LRRN2: variants seen among roughly 807,000 people sequenced by gnomAD.
The protein encoded by LRRN2 is leucine-rich repeat neuronal protein 2.
In LRRN2, 10 loss-of-function variants were observed where a neutral mutation model predicts 35.7. That is an observed-to-expected ratio of 0.28 (90% CI 0.17 to 0.47). LRRN2 has a LOEUF of 0.47. Among genes scored for constraint, LRRN2 ranks in the 20% least tolerant of loss-of-function variants. The pLI, the probability that LRRN2 is intolerant of heterozygous loss-of-function variation, is 0.99. For missense variants in LRRN2, 731 were observed against 940.3 expected, an observed-to-expected ratio of 0.78 and a Z score of 2.91; for synonymous variants, 391 against 409.6, an observed-to-expected ratio of 0.95 and a Z score of 0.55.
At chr1:204,672,689 C>G (rs977620003) in intron 1 of LRRN2, among the ~76,000 whole-genome samples, 1 of 152,178 alleles carries the variant, frequency 6.6e-6, no homozygotes, top group African/African-American at 2.4e-5. Flanking sequence ...CCCTCTTGCT[C>G]TCCTTCCCTC....
intron 1 of LRRN2, among the ~76,000 whole-genome samples, chr1:204,622,714 A>G (rs1667001010): frequency 6.6e-6 from 1 of 152,086 alleles, no homozygotes; most frequent in South Asian, 2.1e-4. Context: ...AACTGGATCT[A>G]TGGCCAGTAA....
chr1:204,669,122 ACTGTAAATAG>A (rs1478847012), intron 1 of LRRN2, among the ~76,000 whole-genome samples: 1 of 152,200 alleles, frequency 6.6e-6, no homozygotes, highest in African/African-American at 2.4e-5. Flanking sequence ...ACTGCGCCTG[ACTGTAAATAG>A]CTTTTCACAC....
intron 1 of LRRN2, among the ~76,000 whole-genome samples, chr1:204,662,281 A>T (rs1668488207): frequency 6.6e-6 from 1 of 152,080 alleles, no homozygotes; most frequent in Admixed American, 6.5e-5. Context: ...GGCCTGGGAG[A>T]GCTAGGATAT....
At position 204,617,551 on chromosome 1, in the gene LRRN2, C is replaced by G. The variant is rs1666426801; in HGVS notation, c.*300G>C. On this transcript the variant is annotated 3_prime_UTR_variant, in exon 2 of 2. Transcript: ENST00000367177. ...CAGGTAGGGGACAGCCAAGCCAGGC[C>G]CAGGAGCCTCTGGGCAGAGAGAAGA... The G allele has an allele frequency of 2.5e-6, 1 of 395,012 alleles. No homozygotes were observed. The highest frequency in any genetic ancestry group is 2.1e-5 in the African/African-American group (1 of 48,386). 24.5% of individuals were successfully genotyped at this position (395,012 alleles called of 1,614,324 possible).
chr1:204,662,520 C>T (rs559794282), intron 1 of LRRN2, among the ~76,000 whole-genome samples: 5 of 152,298 alleles, frequency 3.3e-5, no homozygotes, highest in African/African-American at 7.2e-5. Flanking sequence ...TCGAGTCCCA[C>T]GATCTTTTCA....
At chr1:204,662,919 G>A (rs1198748126) in intron 1 of LRRN2, among the ~76,000 whole-genome samples, 1 of 152,122 alleles carries the variant, frequency 6.6e-6, no homozygotes, top group East Asian at 1.9e-4. Context: ...GATGGCTCAG[G>A]GGACTGAGCT....
chr1:204,665,966 C>T (rs1019414697), intron 1 of LRRN2, among the ~76,000 whole-genome samples: 8 of 152,202 alleles, frequency 5.3e-5, no homozygotes, highest in African/African-American at 7.2e-5. Context: ...CTGCAGACTG[C>T]GTTGGCACAG....
At chr1:204,659,506 G>C (rs756257433) in intron 1 of LRRN2, among the ~76,000 whole-genome samples, 1 of 152,130 alleles carries the variant, frequency 6.6e-6, no homozygotes, top group Non-Finnish European at 1.5e-5. Context: ...TTATTCAAGT[G>C]CTCCTGGAAT....
chr1:204,682,696 G>T (rs115943636), intron 1 of LRRN2, among the ~76,000 whole-genome samples: 258 of 152,290 alleles, frequency 1.7e-3, no homozygotes, highest in African/African-American at 5.9e-3. Flanking sequence ...CCCCTTCTCT[G>T]TCTGAAGCAC....
chr1:204,645,328 A>G (rs1037205606), intron 1 of LRRN2, among the ~76,000 whole-genome samples: 19 of 152,198 alleles, frequency 1.2e-4, no homozygotes, highest in Middle Eastern at 3.2e-3. Context: ...ACAGCACCCC[A>G]AGGAAACAGG....
rs1487843418 is a variant in LRRN2, at chr1:204,618,411, CCT to C, written c.1580_1581del (p.Gln527ArgfsTer76). 1 of 1,613,764 alleles carries C rather than the reference CCT, an allele frequency of 6.2e-7. No homozygotes were observed. Among genetic ancestry groups the C allele is most frequent in the Non-Finnish European group, 8.5e-7 (1 of 1,179,808 alleles). On this transcript the variant is annotated frameshift_variant, in exon 2 of 2. Transcript: ENST00000367177. LOFTEE classifies it high-confidence loss of function. ...ALLQPGRDEG[Q>X]GLELRVQETH... ...GTCTCCTGCACCCGGAGCTCCAGCCCCTGTCCTTCGTCCCTGCCTGGCTGGAG... is the reference window on the plus strand; with the variant it reads ...GTCTCCTGCACCCGGAGCTCCAGCCCGTCCTTCGTCCCTGCCTGGCTGGAG...
intron 1 of LRRN2, 95 bp from the exon 2 acceptor site, chr1:204,620,313 T>C: frequency 1.2e-6 from 1 of 854,862 alleles, no homozygotes; most frequent in Non-Finnish European, 1.6e-6. Context: ...TCTCATTCTG[T>C]CACCCAGGCT....
At chr1:204,624,308 G>C (rs888637772) in intron 1 of LRRN2, among the ~76,000 whole-genome samples, 2 of 152,216 alleles carry the variant, frequency 1.3e-5, no homozygotes, top group African/African-American at 4.8e-5. Flanking sequence ...GCCAGCTGCT[G>C]CACACAGACC....
rs1192623245 is a variant in LRRN2, at chr1:204,617,641, G to T, written c.*210C>A. 3 of 587,430 alleles carry T rather than the reference G, an allele frequency of 5.1e-6. No individual in the cohort carries two copies. In the East Asian group the frequency reaches 8.7e-5, roughly 17 times the overall value. 36.4% of individuals were successfully genotyped at this position (587,430 alleles called of 1,614,324 possible). A position where few individuals can be genotyped will look rare whatever the true frequency, so the allele number is the denominator to read the frequency against. Reference sequence around the variant, plus strand: ...CTTGGAGATGTTCCTCAGAATGGCAGCAGAGGTGACCCTAGGAGGTAAGGG... The same window carrying T: ...CTTGGAGATGTTCCTCAGAATGGCATCAGAGGTGACCCTAGGAGGTAAGGG... On this transcript the variant is annotated 3_prime_UTR_variant, in exon 2 of 2. Coordinates refer to ENST00000367177, the MANE Select transcript of LRRN2 (RefSeq NM_201630.2).
At chr1:204,671,756 T>TA (rs1256082525) in intron 1 of LRRN2, among the ~76,000 whole-genome samples, 1 of 147,562 alleles carries the variant, frequency 6.8e-6, no homozygotes, top group South Asian at 2.2e-4. Flanking sequence ...TTTGACTGGC[T>TA]AAAAAATAAG....
intron 1 of LRRN2, among the ~76,000 whole-genome samples, chr1:204,651,512 G>C (rs545984213): frequency 2.0e-5 from 3 of 152,308 alleles, no homozygotes; most frequent in African/African-American, 7.2e-5. Flanking sequence ...GCCTCTTTGA[G>C]GAAGGGACTG....
chr1:204,647,894 G>A (rs1183112090), intron 1 of LRRN2, among the ~76,000 whole-genome samples: 1 of 152,246 alleles, frequency 6.6e-6, no homozygotes, highest in Non-Finnish European at 1.5e-5. Context: ...TCTCATTCAT[G>A]AATTTGTTAT....
chr1:204,630,027 C>CT (rs1667641372), intron 1 of LRRN2, among the ~76,000 whole-genome samples: 2 of 152,170 alleles, frequency 1.3e-5, no homozygotes, highest in African/African-American at 4.8e-5. Flanking sequence ...AGCCGTACTC[C>CT]AAACCCCAGC....
At chr1:204,633,938 C>A (rs1206404433) in intron 1 of LRRN2, among the ~76,000 whole-genome samples, 1 of 152,208 alleles carries the variant, frequency 6.6e-6, no homozygotes, top group Non-Finnish European at 1.5e-5. Context: ...TCCTCCACAC[C>A]CATCCACGCC....
Sources: gnomAD v4.1 joint callset for allele counts (sites outside exome capture counted in the v4.1 genomes callset) on GRCh38, gnomAD v4.1.1 for gene constraint, MANE v1.5 for transcripts, NCBI Gene and HGNC (gene_info 2026-07-23, HGNC 2026-07-21) for gene names.